The following CPA6 variants were observed in gnomAD, a reference collection of about 807,000 sequenced individuals.
CPA6 encodes the protein carboxypeptidase A6, also known as carboxypeptidase B.
In CPA6, 58 loss-of-function variants were observed where a neutral mutation model predicts 63.3. That is an observed-to-expected ratio of 0.92 (90% CI 0.74 to 1.14). CPA6 has a LOEUF of 1.14. Among genes scored for constraint, CPA6 ranks in the 50% most tolerant of loss-of-function variants. The pLI is 0.00. For missense variants in CPA6, 565 were observed against 526.6 expected, an observed-to-expected ratio of 1.07 and a Z score of -0.71; for synonymous variants, 185 against 179.0, an observed-to-expected ratio of 1.03 and a Z score of -0.27.
chr8:67,483,882 T>A, intron 7 of CPA6, 24 bp from the exon 8 acceptor site: 1 of 1,578,776 alleles, frequency 6.3e-7, no homozygotes, highest in Non-Finnish European at 8.7e-7. Flanking sequence ...AGAAAACAGG[T>A]GCTGAGAAAA....
At chr8:67,602,974 TAAAAAG>T (rs1270572863) in intron 2 of CPA6, among the ~76,000 whole-genome samples, 1 of 152,096 alleles carries the variant, frequency 6.6e-6, no homozygotes, top group Non-Finnish European at 1.5e-5. Context: ...CTATCTTCCT[TAAAAAG>T]AAAAACAAAA....
rs1382718850 is a variant in CPA6, at chr8:67,708,329, T to TA, written c.116+37684dup. ...AGTCCTATCATGATTTTGCTTTTAA[T>TA]AAAAAAGAGCAGGAGAGAAAAAAAT... is the stretch of plus-strand genomic sequence containing the variant. On this transcript the variant is annotated intron_variant, in intron 1 of 10. Transcript: ENST00000297770. 1.5e-4 allele frequency among the ~76,000 whole-genome samples: 23 copies of TA among 152,318 alleles called. 1 individual carries two copies. Among genetic ancestry groups the TA allele is most frequent in the African/African-American group, 5.5e-4 (23 of 41,584 alleles).
intron 2 of CPA6, among the ~76,000 whole-genome samples, chr8:67,550,949 G>A (rs1162835572): frequency 6.6e-6 from 1 of 152,090 alleles, no homozygotes. Context: ...TTTGTCAAAA[G>A]CATATTTTGT....
chr8:67,592,618 G>T (rs540502641), intron 2 of CPA6, among the ~76,000 whole-genome samples: 9,647 of 151,902 alleles, frequency 0.064, 427 homozygotes, highest in Middle Eastern at 0.17. Flanking sequence ...AGTCTTGGGA[G>T]AGTGTATGTG....
intron 2 of CPA6, among the ~76,000 whole-genome samples, chr8:67,619,544 GCTAA>G (rs1486131179): frequency 2.0e-5 from 3 of 152,224 alleles, no homozygotes; most frequent in East Asian, 1.9e-4. Flanking sequence ...TCCTGCAGCT[GCTAA>G]CTAACTGAGA....
At chr8:67,702,537 A>T (rs1357702528) in intron 1 of CPA6, among the ~76,000 whole-genome samples, 1 of 152,162 alleles carries the variant, frequency 6.6e-6, no homozygotes, top group Non-Finnish European at 1.5e-5. Context: ...GTCTCCCAAA[A>T]GATAGAAAAC....
chr8:67,457,733 C>G (rs1370207136), intron 8 of CPA6, among the ~76,000 whole-genome samples: 1 of 152,138 alleles, frequency 6.6e-6, no homozygotes, highest in Non-Finnish European at 1.5e-5. Context: ...TTGTGGGCAA[C>G]ATCAGTGTCA....
At chr8:67,666,642 G>A (rs183148801) in intron 1 of CPA6, among the ~76,000 whole-genome samples, 73 of 152,290 alleles carry the variant, frequency 4.8e-4, no homozygotes, top group African/African-American at 1.5e-3. Context: ...CAGGCAAGGT[G>A]CCTGGCGATC....
At chr8:67,561,732 G>A (rs1813217642) in intron 2 of CPA6, among the ~76,000 whole-genome samples, 1 of 152,088 alleles carries the variant, frequency 6.6e-6, no homozygotes, top group African/African-American at 2.4e-5. Context: ...GATTTTGAGG[G>A]TCCTATTGTG....
At chr8:67,483,057 G>C (rs893464169) in intron 8 of CPA6, among the ~76,000 whole-genome samples, 10 of 152,046 alleles carry the variant, frequency 6.6e-5, no homozygotes, top group African/African-American at 2.4e-4. Context: ...ATTACACAAG[G>C]GTCTATATTT....
chr8:67,705,500 C>T (rs1817115022), intron 1 of CPA6, among the ~76,000 whole-genome samples: 1 of 152,210 alleles, frequency 6.6e-6, no homozygotes. Flanking sequence ...AAGATTCACA[C>T]TCCTTTATAT....
chr8:67,678,265 AC>A, intron 1 of CPA6, among the ~76,000 whole-genome samples: 1 of 151,736 alleles, frequency 6.6e-6, no homozygotes. Flanking sequence ...ACACACACAA[AC>A]CCTGATGAAA....
At chr8:67,551,169 A>G (rs1812928880) in intron 2 of CPA6, among the ~76,000 whole-genome samples, 1 of 152,148 alleles carries the variant, frequency 6.6e-6, no homozygotes, top group Admixed American at 6.5e-5. Flanking sequence ...TTGAGGTCTT[A>G]CATTGAAATC....
At position 67,454,680 on chromosome 8, in the gene CPA6, G is replaced by A. The variant is rs9792355; in HGVS notation, c.839-20440C>T. 6.6e-5 allele frequency among the ~76,000 whole-genome samples: 10 copies of A among 152,196 alleles called. No individual in the cohort carries two copies. In the East Asian group the frequency reaches 1.7e-3, roughly 26 times the overall value. ...TCTCATCTTCACATGCAGAACAACT[G>A]CGGAATATATAACAGATCTCTGCAG... On this transcript the variant is annotated intron_variant, in intron 8 of 10. Coordinates refer to ENST00000297770, the MANE Select transcript of CPA6 (RefSeq NM_020361.5).
rs561378822 is a variant in CPA6, at chr8:67,443,766, TATAATCAG to T, written c.839-9534_839-9527del. ...AGGATAGATTTGTAAGAGGCAAGTC[TATAATCAG>T]GGAGACCAAATCAAGACACAATTAC... On this transcript the variant is annotated intron_variant, in intron 8 of 10. Transcript: ENST00000297770. Among the ~76,000 whole-genome samples, 132 of 152,306 alleles carry T rather than the reference TATAATCAG, an allele frequency of 8.7e-4. 1 individual carries two copies. The highest frequency in any genetic ancestry group is 2.5e-3 in the African/African-American group (104 of 41,576).
At chr8:67,581,354 G>A (rs755114347) in intron 2 of CPA6, among the ~76,000 whole-genome samples, 11 of 152,240 alleles carry the variant, frequency 7.2e-5, no homozygotes, top group East Asian at 1.9e-4. Context: ...GGGACTAGCC[G>A]TAATGTACAA....
At chr8:67,594,357 G>A (rs1452314159) in intron 2 of CPA6, among the ~76,000 whole-genome samples, 3 of 151,966 alleles carry the variant, frequency 2.0e-5, no homozygotes, top group African/African-American at 4.8e-5. Context: ...TGACAATTAT[G>A]TGTCTTGGAG....
At chr8:67,661,361 G>C (rs2128992939) in intron 1 of CPA6, among the ~76,000 whole-genome samples, 1 of 152,286 alleles carries the variant, frequency 6.6e-6, no homozygotes, top group African/African-American at 2.4e-5. Context: ...AGGCGGGAGG[G>C]AGGCAGGCCT....
At chr8:67,451,123 T>G (rs1278767492) in intron 8 of CPA6, among the ~76,000 whole-genome samples, 6 of 152,138 alleles carry the variant, frequency 3.9e-5, no homozygotes, top group Admixed American at 2.0e-4. Flanking sequence ...TCAGGGAAGG[T>G]GCTTGTACCT....
Sources: allele counts gnomAD v4.1 joint callset (sites outside exome capture counted in the v4.1 genomes callset), GRCh38; gene constraint gnomAD v4.1.1; transcripts MANE v1.5; gene names NCBI Gene and HGNC (gene_info 2026-07-23, HGNC 2026-07-21).